The following TSPAN8 variants were observed in gnomAD, a reference collection of about 807,000 sequenced individuals.
The protein encoded by TSPAN8 is tetraspanin 8.
A neutral mutation model predicts 32.8 loss-of-function variants in TSPAN8; 21 were observed. The ratio of observed to expected loss-of-function variants is 0.64; its 90% CI spans 0.45 to 0.92. The LOEUF (loss-of-function observed/expected upper bound fraction) is 0.92, where lower values mean the gene tolerates loss of function less well. Among genes scored for constraint, TSPAN8 ranks in the 40% least tolerant of loss-of-function variants. TSPAN8 has a pLI of 0.00. For synonymous variants in TSPAN8, 95 were observed against 94.6 expected (o/e 1.00, Z -0.03); for missense variants, 269 against 281.9 (o/e 0.95, Z 0.33).
chr12:71,134,088 A>T (rs1047835106), intron 6 of TSPAN8, among the ~76,000 whole-genome samples: 1 of 152,206 alleles, frequency 6.6e-6, no homozygotes, highest in Non-Finnish European at 1.5e-5. Context: ...CCTCTGTGCC[A>T]AAGTTTGTTC....
At chr12:71,129,147 T>G (rs1055854400) in intron 8 of TSPAN8, among the ~76,000 whole-genome samples, 184 bp downstream of exon 8, 3 of 151,914 alleles carry the variant, frequency 2.0e-5, no homozygotes, top group African/African-American at 7.2e-5. Context: ...AATCTCCCCC[T>G]CAGACTCAGG....
intron 2 of TSPAN8, among the ~76,000 whole-genome samples, chr12:71,144,772 C>A (rs898950285): frequency 7.2e-5 from 11 of 152,098 alleles, no homozygotes; most frequent in African/African-American, 2.7e-4. Flanking sequence ...AATAAACTCT[C>A]TTAAAAACAA....
intron 2 of TSPAN8, chr12:71,157,064 C>T (rs1016796225): frequency 6.6e-6 from 1 of 152,330 alleles, no homozygotes; most frequent in African/African-American, 2.4e-5. Context: ...AATGCCAATA[C>T]ATATATATAT....
chr12:71,125,854 G>C (rs1871335028), intron 8 of TSPAN8, among the ~76,000 whole-genome samples: 1 of 147,372 alleles, frequency 6.8e-6, no homozygotes, highest in Non-Finnish European at 1.5e-5. Context: ...GTAGTTTTAG[G>C]CATTTCCAAG....
At chr12:71,126,761 CTT>C (rs5799020) in intron 8 of TSPAN8, among the ~76,000 whole-genome samples, 15 of 146,708 alleles carry the variant, frequency 1.0e-4, no homozygotes, top group Admixed American at 1.4e-4. Context: ...GTGTGTAGCA[CTT>C]TTTTTTTTTT....
At chr12:71,127,555 C>T (rs1213918115) in intron 8 of TSPAN8, among the ~76,000 whole-genome samples, 1 of 152,166 alleles carries the variant, frequency 6.6e-6, no homozygotes, top group African/African-American at 2.4e-5. Flanking sequence ...GCAAAAACTT[C>T]ATACCTATAA....
intron 7 of TSPAN8, 60 bp from the exon 8 acceptor site, chr12:71,129,474 C>A: frequency 7.0e-7 from 1 of 1,431,040 alleles, no homozygotes; most frequent in South Asian, 1.4e-5. Context: ...TTATATTAAT[C>A]AAAATTTTTA....
intron 4 of TSPAN8, chr12:71,139,168 A>G (rs1352592497): frequency 2.2e-6 from 1 of 456,404 alleles, no homozygotes; most frequent in Non-Finnish European, 4.4e-6. Context: ...TTCATCTTCC[A>G]TCATTTACTG....
chr12:71,126,361 T>C lies in TSPAN8; in HGVS notation c.661-974A>G, dbSNP rs115858072. Among the ~76,000 whole-genome samples the C allele has an allele frequency of 2.5e-3, 377 of 152,316 alleles. 2 individuals carry two copies. Among genetic ancestry groups the C allele is most frequent in the African/African-American group, 8.4e-3 (348 of 41,562 alleles). On this transcript the variant is annotated intron_variant, in intron 8 of 8. Coordinates refer to ENST00000247829, the MANE Select transcript of TSPAN8 (RefSeq NM_004616.3). ...TACAATTGAAGACTGAAATTTAGTC[T>C]TTTTGTCTTGATCCTGAGCCTTAAG...
At chr12:71,157,359 T>C (rs923550302) in intron 2 of TSPAN8, 24 of 385,984 alleles carry the variant, frequency 6.2e-5, no homozygotes, top group South Asian at 4.5e-4. Flanking sequence ...TGTGTTCCTC[T>C]GTGATTTTTT....
At chr12:71,142,616 G>A (rs1480418378) in intron 3 of TSPAN8, among the ~76,000 whole-genome samples, 1 of 152,048 alleles carries the variant, frequency 6.6e-6, no homozygotes, top group African/African-American at 2.4e-5. Flanking sequence ...CAGAGCTCCA[G>A]GCCATCAGGA....
chr12:71,144,920 T>C (rs1410985817), intron 2 of TSPAN8, among the ~76,000 whole-genome samples: 1 of 152,170 alleles, frequency 6.6e-6, no homozygotes, highest in African/African-American at 2.4e-5. Flanking sequence ...AAACACATTT[T>C]ACTTTAGTGT....
At chr12:71,140,125 T>C (rs765716560) in intron 3 of TSPAN8, among the ~76,000 whole-genome samples, 17 of 152,358 alleles carry the variant, frequency 1.1e-4, no homozygotes, top group Middle Eastern at 3.4e-3. Flanking sequence ...ACAGTTACTT[T>C]TACTCTTCTT....
Position 71,137,990 on chromosome 12 carries a change from T to G in TSPAN8, c.407A>C (p.Lys136Thr). Reference protein sequence around the residue: ...KLLSATGESEKQFQEAIIVFQ... With the variant: ...KLLSATGESETQFQEAIIVFQ... ...CACAATTATGGCTTCCTGGAATTGT[T>G]TTTCACTTTCCCCTGTGGCGCTCAA... The change falls in exon 6 of 9, where the codon AAA (lysine) becomes ACA (threonine). Residue 136 changes from lysine to threonine, a missense_variant. Coordinates refer to ENST00000247829, the MANE Select transcript of TSPAN8 (RefSeq NM_004616.3). 3 of 1,613,836 alleles carry G rather than the reference T, an allele frequency of 1.9e-6. No homozygotes were observed. The highest frequency in any genetic ancestry group is 2.5e-6 in the Non-Finnish European group (3 of 1,179,954).
intron 2 of TSPAN8, among the ~76,000 whole-genome samples, chr12:71,155,290 G>A (rs1333574395): frequency 1.3e-5 from 2 of 152,210 alleles, no homozygotes; most frequent in East Asian, 1.9e-4. Flanking sequence ...GGCTACGAAC[G>A]TCACAAAAGA....
In TSPAN8 at chr12:71,157,625, C is replaced by A; in HGVS notation, c.54G>T (p.Leu18Phe). ...TTAAAAGGAAAACACTTACCCAGAA[C>A]AAGAAGTTGAAGGTAAACATAGAAT... ...IKYSMFTFNF[L>F]FWLCGILILA... Residue 18 changes from leucine (L) to phenylalanine (F), a missense_variant, in exon 2 of 9, where the codon TTG becomes TTT. Transcript: ENST00000247829. The A allele has an allele frequency of 1.2e-6, 2 of 1,611,396 alleles. No individual in the cohort carries two copies. Among genetic ancestry groups the A allele is most frequent in the Non-Finnish European group, 1.7e-6 (2 of 1,177,736 alleles).
At chr12:71,148,050 T>G (rs925568683) in intron 2 of TSPAN8, among the ~76,000 whole-genome samples, 1 of 152,188 alleles carries the variant, frequency 6.6e-6, no homozygotes, top group Admixed American at 6.5e-5. Flanking sequence ...TGTTACTAAA[T>G]TGCTATTTTC....
Position 71,157,569 on chromosome 12 carries a change from C to T in TSPAN8, c.60+50G>A, listed in dbSNP as rs761020679. 5 of 1,280,758 alleles carry T rather than the reference C, an allele frequency of 3.9e-6. No individual in the cohort carries two copies. The South Asian group carries it at 4.8e-5, about 12-fold the overall frequency. The allele number at this position is 1,280,758 out of a possible 1,614,324, so 79.3% of individuals were successfully genotyped here. ...CTGTTCTTGTTTATGATATTTATAT[C>T]AAGATCCCCTTTCTTGCATAAAATT... On this transcript the variant is annotated intron_variant, in intron 2 of 8. Transcript: ENST00000247829.
chr12:71,128,215 C>A (rs1356842022), intron 8 of TSPAN8, among the ~76,000 whole-genome samples: 2 of 152,134 alleles, frequency 1.3e-5, no homozygotes, highest in Admixed American at 1.3e-4. Context: ...AGTAATAACC[C>A]ACAGTTTAAT....
Sources: allele counts gnomAD v4.1 joint callset (sites outside exome capture counted in the v4.1 genomes callset), GRCh38; gene constraint gnomAD v4.1.1; transcripts MANE v1.5; gene names NCBI Gene and HGNC (gene_info 2026-07-23, HGNC 2026-07-21).